The following SPATA17 variants were observed in gnomAD, a reference collection of about 807,000 sequenced individuals.
SPATA17 encodes spermatogenesis associated 17.
SPATA17 carries 53 observed loss-of-function variants against 62.2 expected under a neutral mutation model. The ratio of observed to expected loss-of-function variants is 0.85; its 90% confidence interval spans 0.68 to 1.07. The LOEUF is 1.07. Ranked by LOEUF, SPATA17 falls within the 50% of genes least tolerant of loss-of-function variation. The probability of loss-of-function intolerance (pLI) is 0.00; values close to 1 mark genes in which losing one functional copy is unlikely to be tolerated. For synonymous variants in SPATA17, 146 were observed against 146.8 expected (o/e 0.99, Z 0.04); for missense variants, 466 against 425.5 (o/e 1.10, Z -0.84).
At chr1:217,637,037 T>C (rs1028976738) in intron 1 of SPATA17, among the ~76,000 whole-genome samples, 1 of 152,184 alleles carries the variant, frequency 6.6e-6, no homozygotes, top group African/African-American at 2.4e-5. Context: ...AGAAGTTCTC[T>C]AGAGACATGC....
At chr1:217,744,388 G>A (rs1217924057) in intron 6 of SPATA17, among the ~76,000 whole-genome samples, 3 of 50,726 alleles carry the variant, frequency 5.9e-5, no homozygotes, top group African/African-American at 1.4e-4. Flanking sequence ...GCGTGAACCC[G>A]GGAGGCGGAG....
intron 5 of SPATA17, among the ~76,000 whole-genome samples, chr1:217,712,133 GT>G (rs1323641633): frequency 2.6e-4 from 36 of 139,582 alleles, no homozygotes; most frequent in Middle Eastern, 3.8e-3. Flanking sequence ...ATGTTCTTTT[GT>G]TTTTTTTTTT....
At chr1:217,841,380 TCA>T (rs1306575060) in intron 9 of SPATA17, among the ~76,000 whole-genome samples, 1 of 152,002 alleles carries the variant, frequency 6.6e-6, no homozygotes, top group Non-Finnish European at 1.5e-5. Flanking sequence ...AAAAATTATA[TCA>T]CAGTTTGAAT....
intron 5 of SPATA17, among the ~76,000 whole-genome samples, chr1:217,710,395 TA>T (rs1309583755): frequency 6.6e-6 from 1 of 150,698 alleles, no homozygotes; most frequent in Non-Finnish European, 1.5e-5. Flanking sequence ...GAAGTGACTT[TA>T]AAAAAAAACA....
chr1:217,835,721 G>C (rs780919775), intron 9 of SPATA17, among the ~76,000 whole-genome samples: 10 of 151,714 alleles, frequency 6.6e-5, no homozygotes, highest in Non-Finnish European at 5.9e-5. Flanking sequence ...AGGAGCAGGA[G>C]AGGAGCCTGA....
chr1:217,731,810 CAT>C (rs1177691237), intron 5 of SPATA17, among the ~76,000 whole-genome samples: 3 of 152,014 alleles, frequency 2.0e-5, no homozygotes, highest in African/African-American at 7.2e-5. Context: ...AGAATGTTAA[CAT>C]GTATTTTAGA....
intron 9 of SPATA17, among the ~76,000 whole-genome samples, chr1:217,815,726 C>A (rs1674696273): frequency 6.6e-6 from 1 of 152,088 alleles, no homozygotes; most frequent in Non-Finnish European, 1.5e-5. Context: ...GTTTTAAGAA[C>A]AAAAACAGAG....
At chr1:217,813,118 A>T (rs1276098231) in intron 9 of SPATA17, among the ~76,000 whole-genome samples, 1 of 152,224 alleles carries the variant, frequency 6.6e-6, no homozygotes, top group Non-Finnish European at 1.5e-5. Context: ...CACAGAACAT[A>T]AAGTTGACCT....
At chr1:217,765,459 T>C (rs1385675161) in intron 6 of SPATA17, among the ~76,000 whole-genome samples, 1 of 152,000 alleles carries the variant, frequency 6.6e-6, no homozygotes, top group Non-Finnish European at 1.5e-5. Flanking sequence ...GTTGATAAGC[T>C]ATATTTTAAT....
chr1:217,804,804 T>C (rs1277207612), intron 9 of SPATA17, among the ~76,000 whole-genome samples: 1 of 152,086 alleles, frequency 6.6e-6, no homozygotes, highest in African/African-American at 2.4e-5. Context: ...ACATCACTAA[T>C]CATCAGGGAA....
chr1:217,842,074 A>G (rs969900921), intron 9 of SPATA17, among the ~76,000 whole-genome samples: 3 of 151,900 alleles, frequency 2.0e-5, no homozygotes, highest in Admixed American at 6.6e-5. Flanking sequence ...TTCTGCATCT[A>G]TGAGATGATC....
chr1:217,677,922 A>G (rs1458654540), intron 4 of SPATA17, among the ~76,000 whole-genome samples: 3 of 152,158 alleles, frequency 2.0e-5, no homozygotes, highest in Non-Finnish European at 4.4e-5. Context: ...ATAATATTTT[A>G]TGTATAAATA....
At chr1:217,763,643 A>G (rs1336346107) in intron 6 of SPATA17, among the ~76,000 whole-genome samples, 1 of 152,208 alleles carries the variant, frequency 6.6e-6, no homozygotes, top group Non-Finnish European at 1.5e-5. Context: ...TTCCTTGCAG[A>G]TGGGGGTAAG....
chr1:217,678,896 G>A (rs1671013752), intron 4 of SPATA17, among the ~76,000 whole-genome samples: 1 of 151,024 alleles, frequency 6.6e-6, no homozygotes, highest in Non-Finnish European at 1.5e-5. Flanking sequence ...TACTTTGAAG[G>A]ACATGAATAC....
At chr1:217,687,811 A>G (rs1671251696) in intron 5 of SPATA17, among the ~76,000 whole-genome samples, 4 of 152,178 alleles carry the variant, frequency 2.6e-5, no homozygotes, top group African/African-American at 9.7e-5. Flanking sequence ...TTAAAGGCAA[A>G]TGAATAGATT....
intron 9 of SPATA17, among the ~76,000 whole-genome samples, chr1:217,838,777 C>A (rs192495131): frequency 2.0e-5 from 3 of 152,056 alleles, no homozygotes; most frequent in East Asian, 3.9e-4. Context: ...GATTATAGTT[C>A]TATATTTCTA....
At chr1:217,861,171 G>A (rs6660823) in intron 9 of SPATA17, among the ~76,000 whole-genome samples, 4,122 of 151,850 alleles carry the variant, frequency 0.027, 60 homozygotes, top group African/African-American at 0.053. Context: ...ATGATGAATG[G>A]CATTGTTGTT....
chr1:217,793,475 C>T (rs554563328), intron 8 of SPATA17, among the ~76,000 whole-genome samples: 1 of 152,202 alleles, frequency 6.6e-6, no homozygotes, highest in African/African-American at 2.4e-5. Flanking sequence ...CCGCCTCGGC[C>T]TCCCAAAGTG....
chr1:217,818,849 T>C (rs905066576), intron 9 of SPATA17, among the ~76,000 whole-genome samples: 19 of 151,312 alleles, frequency 1.3e-4, no homozygotes, highest in Admixed American at 8.6e-4. Context: ...TTTAACCCTT[T>C]TCTCTCTCAC....
Sources: allele counts gnomAD v4.1 joint callset (sites outside exome capture counted in the v4.1 genomes callset), GRCh38; gene constraint gnomAD v4.1.1; transcripts MANE v1.5; gene names NCBI Gene and HGNC (gene_info 2026-07-23, HGNC 2026-07-21).